Variants in WDR83 observed in about 807,000 individuals in gnomAD.
WDR83 encodes the protein WD repeat domain 83, also known as WD repeat domain-containing protein 83.
In WDR83, 37 loss-of-function variants were observed where a neutral mutation model predicts 37.7. That is an observed-to-expected ratio of 0.98 (90% CI 0.76 to 1.29). The LOEUF is 1.29. Ranked by LOEUF, WDR83 falls within the 50% of genes most tolerant of loss-of-function variation. WDR83 has a pLI of 0.00. For missense variants in WDR83, 445 were observed against 414.4 expected, an observed-to-expected ratio of 1.07 and a Z score of -0.64; for synonymous variants, 174 against 181.1, an observed-to-expected ratio of 0.96 and a Z score of 0.31.
chr19:12,669,078 G>A (rs373186687), intron 2 of WDR83: 13 of 1,584,912 alleles, frequency 8.2e-6, no homozygotes, highest in Non-Finnish European at 1.1e-5. Context: ...CCCGCCCCCG[G>A]GCCTCGTTCT....
At position 12,668,147 on chromosome 19, in the gene WDR83, C is replaced by T. The variant is rs1036950740; in HGVS notation, c.-156-361C>T. On this transcript the variant is annotated intron_variant, in intron 1 of 10. Coordinates refer to ENST00000418543, the MANE Select transcript of WDR83 (RefSeq NM_001099737.3). ...ATACCCCTAGAAACATGGACAGCATCTCCCCCAGCAGCAGGCAGGGGAAGG... is the reference window on the plus strand; with the variant it reads ...ATACCCCTAGAAACATGGACAGCATTTCCCCCAGCAGCAGGCAGGGGAAGG... 4 of 567,698 alleles carry T rather than the reference C, an allele frequency of 7.0e-6. No individual in the cohort carries two copies. In the Admixed American group the frequency reaches 9.2e-5, roughly 13 times the overall value. 35.2% of individuals were successfully genotyped at this position (567,698 alleles called of 1,614,324 possible). A position where few individuals can be genotyped will look rare whatever the true frequency, so the allele number is the denominator to read the frequency against.
At chr19:12,672,726 AGCT>A (rs2024458372) in intron 7 of WDR83, 118 bp from the exon 8 acceptor site, 1 of 1,038,866 alleles carries the variant, frequency 9.6e-7, no homozygotes, top group Non-Finnish European at 1.4e-6. Flanking sequence ...TCAAGGCCAG[AGCT>A]TCAGAATTCC....
At position 12,669,075 on chromosome 19, in the gene WDR83, C is replaced by T. The variant is rs2024333698; in HGVS notation, c.-37+448C>T. Reference sequence around the variant, plus strand: ...ACCCCGCTTCATTCCAAACCCGCCCCCGGGCCTCGTTCTCAGGTCCAACTA... The same window carrying T: ...ACCCCGCTTCATTCCAAACCCGCCCTCGGGCCTCGTTCTCAGGTCCAACTA... On this transcript the variant is annotated intron_variant, in intron 2 of 10. Transcript: ENST00000418543. 2.5e-6 allele frequency: 4 copies of T among 1,582,670 alleles called. No homozygotes were observed. The South Asian group carries it at 4.4e-5, about 17-fold the overall frequency.
Position 12,669,760 on chromosome 19 carries a change from T to C in WDR83, c.-31T>C, listed in dbSNP as rs1302685094. ...GCGCGGAATTTTCCGTACAGACCGA[T>C]TTAAGGCTGCAAGGAAGGAGTCCTG... On this transcript the variant is annotated 5_prime_UTR_variant, in exon 3 of 11. Transcript: ENST00000418543. The C allele has an allele frequency of 1.3e-6, 2 of 1,560,500 alleles. No individual in the cohort carries two copies. Among genetic ancestry groups the C allele is most frequent in the African/African-American group, 1.4e-5 (1 of 72,890 alleles).
At chr19:12,674,786 AAGAGGAATAACTGAT>A (rs1473539510) in intron 10 of WDR83, among the ~76,000 whole-genome samples, 3 of 152,134 alleles carry the variant, frequency 2.0e-5, no homozygotes, top group Non-Finnish European at 4.4e-5. Context: ...AAGCAGAGCC[AAGAGGAATAACTGAT>A]AGAGGAACAT....
intron 2 of WDR83, 50 bp from the exon 3 acceptor site, chr19:12,669,705 T>G: frequency 5.1e-6 from 7 of 1,361,124 alleles, no homozygotes; most frequent in Non-Finnish European, 7.1e-6. Context: ...AGAACAATAA[T>G]AAGGTTACAC....
intron 10 of WDR83, among the ~76,000 whole-genome samples, chr19:12,674,398 C>T (rs949883392): frequency 2.6e-5 from 4 of 152,158 alleles, no homozygotes; most frequent in African/African-American, 4.8e-5. Context: ...GAGACATCAG[C>T]GCTGGGCTTG....
chr19:12,670,370 C>G, intron 5 of WDR83, 85 bp downstream of exon 5: 1 of 1,525,638 alleles, frequency 6.6e-7, no homozygotes. Flanking sequence ...CCCATTACAC[C>G]GTAAGGATCC....
intron 7 of WDR83, 132 bp from the exon 8 acceptor site, chr19:12,672,715 C>A: frequency 1.0e-6 from 1 of 953,648 alleles, no homozygotes; most frequent in Non-Finnish European, 1.6e-6. Context: ...GGGCCTGAGT[C>A]TCAAGGCCAG....
chr19:12,672,946 G>A, intron 8 of WDR83, 32 bp downstream of exon 8: 2 of 1,595,532 alleles, frequency 1.3e-6, no homozygotes, highest in Non-Finnish European at 1.7e-6. Context: ...GGACAGGCAG[G>A]GAAGATGGGG....
intron 10 of WDR83, 85 bp downstream of exon 10, chr19:12,673,401 G>T: frequency 3.5e-6 from 2 of 577,836 alleles, no homozygotes; most frequent in East Asian, 3.6e-5. Flanking sequence ...AGGGCCTGAA[G>T]GCTAGGATCT....
intron 10 of WDR83, among the ~76,000 whole-genome samples, chr19:12,674,774 A>G (rs1236772184): frequency 3.3e-5 from 5 of 152,188 alleles, no homozygotes. Flanking sequence ...GACATGGTCT[A>G]GAAGCAGAGC....
intron 2 of WDR83, 198 bp from the exon 3 acceptor site, chr19:12,669,556 AT>A: frequency 2.9e-6 from 3 of 1,031,198 alleles, no homozygotes; most frequent in Non-Finnish European, 4.2e-6. Flanking sequence ...GAGAACGGAG[AT>A]TTAGGAGAAG....
chr19:12,673,553 G>A (rs1035136795), intron 10 of WDR83, among the ~76,000 whole-genome samples: 1 of 151,770 alleles, frequency 6.6e-6, no homozygotes, highest in African/African-American at 2.4e-5. Flanking sequence ...GAGTAGTTGG[G>A]ATTATAGGTG....
At chr19:12,667,056 G>A (rs933512068) in intron 1 of WDR83, 64 bp downstream of exon 1, 14 of 342,910 alleles carry the variant, frequency 4.1e-5, no homozygotes, top group Non-Finnish European at 5.4e-5. Context: ...TGTGTCCATG[G>A]GAATCCAGGG....
rs1170081176 is a variant in WDR83, at chr19:12,675,617, G to A, written c.893G>A (p.Gly298Asp). Residue 298 changes from glycine to aspartate, a missense_variant, in exon 11 of 11, where the codon GGC becomes GAC. Transcript: ENST00000418543. ...CCCTGCCTGCTGACCGCCATGGGAG[G>A]CAGCGTCCAGTGCTGGCGAGAGGAG... Reference protein sequence around the residue: ...TEPCLLTAMGGSVQCWREEAY... With the variant: ...TEPCLLTAMGDSVQCWREEAY... 1 of 1,603,758 alleles carries A rather than the reference G, an allele frequency of 6.2e-7. No individual in the cohort carries two copies. Among genetic ancestry groups the A allele is most frequent in the East Asian group, 2.2e-5 (1 of 44,878 alleles).
In WDR83 at chr19:12,673,174, C is replaced by T. The variant is rs781024093; in HGVS notation, c.684-28C>T. ...CTCCTCTCCCACCCCTGGAGAGGACCAAGCCCCCCGATCCTGTCCACCCTT... is the reference window on the plus strand; with the variant it reads ...CTCCTCTCCCACCCCTGGAGAGGACTAAGCCCCCCGATCCTGTCCACCCTT... On this transcript the variant is annotated intron_variant, in intron 9 of 10. Coordinates refer to ENST00000418543, the MANE Select transcript of WDR83 (RefSeq NM_001099737.3). 2.5e-5 allele frequency: 40 copies of T among 1,613,016 alleles called. No individual in the cohort carries two copies. The East Asian group carries it at 8.9e-4, about 36-fold the overall frequency.
intron 7 of WDR83, among the ~76,000 whole-genome samples, chr19:12,671,680 A>C (rs1355725496): frequency 1.3e-5 from 2 of 152,194 alleles, no homozygotes; most frequent in African/African-American, 2.4e-5. Context: ...AAATAAATAC[A>C]TAAAAATAAT....
chr19:12,673,786 C>A (rs1169631824), intron 10 of WDR83, among the ~76,000 whole-genome samples: 1 of 151,940 alleles, frequency 6.6e-6, no homozygotes, highest in Non-Finnish European at 1.5e-5. Context: ...GCAACCTCTT[C>A]CCCCCAGGGT....
Sources: allele counts gnomAD v4.1 joint callset (sites outside exome capture counted in the v4.1 genomes callset), GRCh38; gene constraint gnomAD v4.1.1; transcripts MANE v1.5; gene names NCBI Gene and HGNC (gene_info 2026-07-23, HGNC 2026-07-21).